CASR: variants seen among roughly 807,000 people sequenced by gnomAD.
The protein encoded by CASR is extracellular calcium-sensing receptor.
Under a neutral mutation model 69.1 loss-of-function variants are expected in CASR, and 23 were observed. The ratio of observed to expected loss-of-function variants is 0.33; its 90% CI spans 0.24 to 0.47. The LOEUF is 0.47. Among genes scored for constraint, CASR ranks in the 20% least tolerant of loss-of-function variants. The pLI is 1.00. For missense variants in CASR, 924 were observed against 1,356.1 expected, an observed-to-expected ratio of 0.68 and a Z score of 5.00; for synonymous variants, 541 against 544.7, an observed-to-expected ratio of 0.99 and a Z score of 0.10.
At chr3:122,275,676 C>T in intron 4 of CASR, 136 bp from the exon 5 acceptor site, 1 of 721,438 alleles carries the variant, frequency 1.4e-6, no homozygotes, top group South Asian at 1.5e-5. Flanking sequence ...TTAGAAAAAG[C>T]TGTCTCTTCC....
intron 4 of CASR, among the ~76,000 whole-genome samples, chr3:122,272,295 T>C (rs1316891255): frequency 1.3e-5 from 2 of 152,204 alleles, no homozygotes; most frequent in African/African-American, 2.4e-5. Context: ...TCCAATACTT[T>C]TTAATGTGAA....
At chr3:122,267,697 G>T (rs1358317104) in intron 4 of CASR, among the ~76,000 whole-genome samples, 2 of 152,106 alleles carry the variant, frequency 1.3e-5, no homozygotes, top group Admixed American at 1.3e-4. Flanking sequence ...AGGTGGCAGT[G>T]GTAGTTACCA....
At chr3:122,209,521 C>G (rs2074041334) in intron 1 of CASR, among the ~76,000 whole-genome samples, 1 of 152,178 alleles carries the variant, frequency 6.6e-6, no homozygotes, top group Non-Finnish European at 1.5e-5. Flanking sequence ...ACAAAGAGAG[C>G]TTGTGCAGGA....
intron 4 of CASR, among the ~76,000 whole-genome samples, chr3:122,263,940 C>A (rs1038415091): frequency 6.6e-6 from 1 of 152,074 alleles, no homozygotes; most frequent in Non-Finnish European, 1.5e-5. Flanking sequence ...TTACCTCTCA[C>A]GTCCAATGCA....
chr3:122,221,650 C>T (rs2074173053), intron 1 of CASR, among the ~76,000 whole-genome samples: 1 of 152,136 alleles, frequency 6.6e-6, no homozygotes, highest in Non-Finnish European at 1.5e-5. Context: ...AAGATAGTAA[C>T]AACAACAACA....
At chr3:122,273,687 A>G (rs184768949) in intron 4 of CASR, among the ~76,000 whole-genome samples, 121 of 152,262 alleles carry the variant, frequency 7.9e-4, no homozygotes, top group African/African-American at 2.7e-3. Flanking sequence ...CCCAGCAGGA[A>G]GTGGGAGGGG....
chr3:122,195,769 T>C (rs1003120208), intron 1 of CASR, among the ~76,000 whole-genome samples: 1 of 152,216 alleles, frequency 6.6e-6, no homozygotes, highest in Non-Finnish European at 1.5e-5. Context: ...TCAGTTCATA[T>C]CATTCCAAAG....
chr3:122,269,713 A>G (rs2074736264), intron 4 of CASR, among the ~76,000 whole-genome samples: 1 of 152,132 alleles, frequency 6.6e-6, no homozygotes, highest in Admixed American at 6.5e-5. Flanking sequence ...ATGACCTCAG[A>G]ATGAGTTTGG....
Position 122,225,649 on chromosome 3 carries a change from G to A in CASR, c.-242-28299G>A, listed in dbSNP as rs565268918. 5.9e-5 allele frequency among the ~76,000 whole-genome samples: 9 copies of A among 151,548 alleles called. No homozygotes were observed. In the South Asian group the frequency reaches 1.3e-3, roughly 21 times the overall value. ...GAGAATGTAAATTAATTTAGCCACC[G>A]TGGAAAGTGGTGTGGAGTTTCCTCA... On this transcript the variant is annotated intron_variant, in intron 1 of 6. Transcript: ENST00000639785.
intron 1 of CASR, among the ~76,000 whole-genome samples, chr3:122,238,220 TG>T (rs2074347738): frequency 6.6e-6 from 1 of 152,158 alleles, no homozygotes; most frequent in Non-Finnish European, 1.5e-5. Flanking sequence ...AGTGGCCGTG[TG>T]GTGCAAGAGA....
At chr3:122,239,414 G>A (rs1004010310) in intron 1 of CASR, among the ~76,000 whole-genome samples, 2 of 152,196 alleles carry the variant, frequency 1.3e-5, no homozygotes, top group African/African-American at 4.8e-5. Context: ...AGAATGCCAG[G>A]TAGATTTCTA....
rs1304138328 is a variant in CASR at position 122,260,688 on chromosome 3, A to AT, written c.493-839dup. 1.3e-3 allele frequency among the ~76,000 whole-genome samples: 70 copies of AT among 54,082 alleles called. 1 individual carries two copies. The highest frequency in any genetic ancestry group is 6.3e-3 in the Admixed American group (30 of 4,800). The allele number at this position is 54,082 out of a possible 152,430, so 35.5% of individuals were successfully genotyped here. ...CAAGTACCCTAGAACTTAAAGTATAATAAAAAAAAAAAAAAAGTGGGTCTG... is the reference window on the plus strand; with the variant it reads ...CAAGTACCCTAGAACTTAAAGTATAATTAAAAAAAAAAAAAAAGTGGGTCTG... On this transcript the variant is annotated intron_variant, in intron 3 of 6. Coordinates refer to ENST00000639785, the MANE Select transcript of CASR (RefSeq NM_000388.4).
At chr3:122,263,337 A>G (rs1460050111) in intron 4 of CASR, among the ~76,000 whole-genome samples, 1 of 152,200 alleles carries the variant, frequency 6.6e-6, no homozygotes, top group Non-Finnish European at 1.5e-5. Flanking sequence ...CAGTGTCTCC[A>G]TCTGTGACAC....
intron 1 of CASR, among the ~76,000 whole-genome samples, chr3:122,239,204 G>C (rs1192882211): frequency 6.6e-6 from 1 of 152,172 alleles, no homozygotes; most frequent in African/African-American, 2.4e-5. Context: ...TGAAGGGTGA[G>C]TCCCAAGCCT....
At chr3:122,190,385 C>T (rs1195404243) in intron 1 of CASR, among the ~76,000 whole-genome samples, 2 of 152,194 alleles carry the variant, frequency 1.3e-5, no homozygotes, top group African/African-American at 4.8e-5. Context: ...CATTCATCCT[C>T]ATCTTTTGAG....
intron 3 of CASR, among the ~76,000 whole-genome samples, chr3:122,258,879 G>C (rs2074586736): frequency 6.6e-6 from 1 of 151,996 alleles, no homozygotes; most frequent in Non-Finnish European, 1.5e-5. Context: ...GGTGTCGGGA[G>C]GTTTTAACAC....
At chr3:122,270,930 T>C (rs1230043873) in intron 4 of CASR, among the ~76,000 whole-genome samples, 2 of 152,254 alleles carry the variant, frequency 1.3e-5, no homozygotes, top group African/African-American at 4.8e-5. Context: ...TTTATCTTTA[T>C]AAATATTTTG....
chr3:122,254,050 C>T lies in CASR; in HGVS notation c.-140C>T, dbSNP rs2074525644. On this transcript the variant is annotated 5_prime_UTR_variant, in exon 2 of 7. Transcript: ENST00000639785. ...GAAGGCAGAAATGGAGATTCAAACA[C>T]CACGTCTTCTATTATTTTATTAATC... is the stretch of plus-strand genomic sequence containing the variant. 1.2e-6 allele frequency: 1 copy of T among 836,088 alleles called. No homozygotes were observed. Among genetic ancestry groups the T allele is most frequent in the Non-Finnish European group, 2.1e-6 (1 of 486,662 alleles). The allele number at this position is 836,088 out of a possible 1,614,324, so 51.8% of individuals were successfully genotyped here.
chr3:122,250,282 G>T (rs955341495), intron 1 of CASR, among the ~76,000 whole-genome samples: 2 of 152,072 alleles, frequency 1.3e-5, no homozygotes, highest in African/African-American at 2.4e-5. Flanking sequence ...AACTCAAAAG[G>T]GTGGTTTGAA....
Sources: gnomAD v4.1 joint callset for allele counts (sites outside exome capture counted in the v4.1 genomes callset) on GRCh38, gnomAD v4.1.1 for gene constraint, MANE v1.5 for transcripts, NCBI Gene and HGNC (gene_info 2026-07-23, HGNC 2026-07-21) for gene names.